ST18: variants seen among roughly 807,000 people sequenced by gnomAD.
ST18 encodes ST18 C2H2C-type zinc finger transcription factor, also known as suppression of tumorigenicity 18 protein.
Under a neutral mutation model 110.0 loss-of-function variants are expected in ST18, and 50 were observed. That is an observed-to-expected ratio of 0.45 (90% CI 0.36 to 0.58). ST18 has a LOEUF of 0.58. Among genes scored for constraint, ST18 ranks in the 20% least tolerant of loss-of-function variants. The pLI is 0.00. For synonymous variants in ST18, 461 were observed against 452.4 expected (o/e 1.02, Z -0.24); for missense variants, 1,306 against 1,280.1 (o/e 1.02, Z -0.31).
intron 2 of ST18, among the ~76,000 whole-genome samples, chr8:52,243,685 A>C (rs2093623513): frequency 6.6e-6 from 1 of 152,244 alleles, no homozygotes; most frequent in Non-Finnish European, 1.5e-5. Flanking sequence ...CATGCCTGGC[A>C]CAGTGTAAGC....
chr8:52,186,138 G>A (rs2072091922), intron 8 of ST18, among the ~76,000 whole-genome samples: 1 of 152,166 alleles, frequency 6.6e-6, no homozygotes, highest in African/African-American at 2.4e-5. Flanking sequence ...GAGAGAAGAA[G>A]CAAGCCAAAG....
chr8:52,310,851 A>G (rs2095893892), intron 2 of ST18, among the ~76,000 whole-genome samples: 1 of 147,764 alleles, frequency 6.8e-6, no homozygotes, highest in African/African-American at 2.5e-5. Flanking sequence ...GACCCAAGCC[A>G]CACTTTCACA....
At chr8:52,297,320 A>G (rs1042929545) in intron 2 of ST18, among the ~76,000 whole-genome samples, 1 of 152,228 alleles carries the variant, frequency 6.6e-6, no homozygotes, top group African/African-American at 2.4e-5. Context: ...GCATCACTTC[A>G]CTGGATTCCT....
intron 2 of ST18, among the ~76,000 whole-genome samples, chr8:52,316,928 G>A (rs960134328): frequency 2.6e-5 from 4 of 152,142 alleles, no homozygotes; most frequent in Non-Finnish European, 4.4e-5. Context: ...CCCTTATCAG[G>A]AATTTGGGAA....
intron 2 of ST18, among the ~76,000 whole-genome samples, chr8:52,298,549 T>C (rs951204886): frequency 1.3e-5 from 2 of 152,236 alleles, no homozygotes; most frequent in African/African-American, 2.4e-5. Flanking sequence ...ATTTTTCTAC[T>C]TTTCCTTTTT....
intron 2 of ST18, among the ~76,000 whole-genome samples, chr8:52,401,551 C>A (rs989091099): frequency 7.2e-5 from 11 of 151,888 alleles, no homozygotes; most frequent in African/African-American, 2.7e-4. Context: ...GACTTCTTTT[C>A]AAGTTCAGAG....
intron 9 of ST18, among the ~76,000 whole-genome samples, chr8:52,178,500 C>T (rs2067800252): frequency 6.7e-6 from 1 of 150,360 alleles, no homozygotes; most frequent in Admixed American, 6.7e-5. Context: ...GGCTGTAATC[C>T]CAGCTACTCA....
At chr8:52,218,549 G>C (rs1052248577) in intron 5 of ST18, among the ~76,000 whole-genome samples, 1 of 144,050 alleles carries the variant, frequency 6.9e-6, no homozygotes, top group Non-Finnish European at 1.5e-5. Context: ...CACCATGCCT[G>C]GCTAATTTTT....
At chr8:52,329,658 G>A (rs926156406) in intron 2 of ST18, among the ~76,000 whole-genome samples, 2 of 152,108 alleles carry the variant, frequency 1.3e-5, no homozygotes, top group African/African-American at 4.8e-5. Context: ...AGGAGGCTGA[G>A]GCAGAAGAAT....
intron 8 of ST18, 121 bp from the exon 9 acceptor site, chr8:52,180,433 G>T: frequency 2.9e-6 from 3 of 1,046,036 alleles, no homozygotes; most frequent in East Asian, 4.9e-5. Flanking sequence ...TTTAGGGTTG[G>T]TTACTGGCAC....
At chr8:52,301,545 C>T (rs1253186940) in intron 2 of ST18, among the ~76,000 whole-genome samples, 6 of 152,008 alleles carry the variant, frequency 3.9e-5, no homozygotes, top group African/African-American at 1.4e-4. Flanking sequence ...AAACAAGAAT[C>T]GATATTTATT....
intron 8 of ST18, among the ~76,000 whole-genome samples, chr8:52,197,447 G>A (rs1004457659): frequency 2.6e-5 from 4 of 152,166 alleles, no homozygotes; most frequent in Admixed American, 1.3e-4. Context: ...GCTGATGACA[G>A]GGTTTGGAGC....
In ST18 at chr8:52,331,519, C is replaced by T. The variant is rs571818415; in HGVS notation, c.-465+77809G>A. On this transcript the variant is annotated intron_variant, in intron 2 of 25. Coordinates refer to ENST00000689386, the MANE Select transcript of ST18 (RefSeq NM_001352837.2). ...CCCAGCCCGTCTCTGCAATGAGAAA[C>T]GAAAAGGGAGAAAATGCAGGGAAGA... 4.6e-5 allele frequency among the ~76,000 whole-genome samples: 7 copies of T among 151,986 alleles called. No individual in the cohort carries two copies. The South Asian group carries it at 1.2e-3, about 27-fold the overall frequency.
chr8:52,155,476 C>A (rs2132805513), intron 15 of ST18, among the ~76,000 whole-genome samples: 1 of 152,260 alleles, frequency 6.6e-6, no homozygotes, highest in African/African-American at 2.4e-5. Flanking sequence ...GGCAATGTCA[C>A]AAGCACTGGT....
chr8:52,388,984 A>AG (rs1425900121), intron 2 of ST18, among the ~76,000 whole-genome samples: 1 of 151,166 alleles, frequency 6.6e-6, no homozygotes. Context: ...AAAAAAAAAA[A>AG]AAAGAACAAG....
chr8:52,247,627 T>C (rs1170730653), intron 2 of ST18, among the ~76,000 whole-genome samples: 1 of 152,194 alleles, frequency 6.6e-6, no homozygotes, highest in African/African-American at 2.4e-5. Flanking sequence ...TTGTAATACA[T>C]GAGATTCAAA....
chr8:52,383,326 GT>G (rs1835311769), intron 2 of ST18, among the ~76,000 whole-genome samples: 1 of 152,106 alleles, frequency 6.6e-6, no homozygotes, highest in African/African-American at 2.4e-5. Flanking sequence ...AAACAGAAAT[GT>G]TTTCAAAGTC....
intron 9 of ST18, among the ~76,000 whole-genome samples, chr8:52,173,832 A>G (rs1444622756): frequency 1.3e-5 from 2 of 152,358 alleles, no homozygotes; most frequent in East Asian, 3.9e-4. Context: ...GAAGAAAAGC[A>G]CAGCCATCCG....
At chr8:52,209,088 G>A (rs1027610118) in intron 8 of ST18, among the ~76,000 whole-genome samples, 4 of 152,054 alleles carry the variant, frequency 2.6e-5, no homozygotes, top group Non-Finnish European at 4.4e-5. Context: ...AGAGAATTAG[G>A]AAAATAGAAA....
Sources: gnomAD v4.1 joint callset for allele counts (sites outside exome capture counted in the v4.1 genomes callset) on GRCh38, gnomAD v4.1.1 for gene constraint, MANE v1.5 for transcripts, NCBI Gene and HGNC (gene_info 2026-07-23, HGNC 2026-07-21) for gene names.